Variants in SLC35D1 observed in about 807,000 individuals in gnomAD.
The protein encoded by SLC35D1 is nucleotide sugar transporter SLC35D1.
In SLC35D1, 31 loss-of-function variants were observed where a neutral mutation model predicts 46.7. That is an observed-to-expected ratio of 0.66 (90% CI 0.50 to 0.90). The LOEUF is 0.90. Among genes scored for constraint, SLC35D1 ranks in the 40% least tolerant of loss-of-function variants. The pLI is 0.00. For missense variants in SLC35D1, 397 were observed against 426.2 expected, an observed-to-expected ratio of 0.93 and a Z score of 0.60; for synonymous variants, 195 against 164.6, an observed-to-expected ratio of 1.18 and a Z score of -1.41.
intron 10 of SLC35D1, among the ~76,000 whole-genome samples, chr1:67,015,950 T>C (rs1363468470): frequency 6.6e-6 from 1 of 152,120 alleles, no homozygotes; most frequent in Non-Finnish European, 1.5e-5. Context: ...TTATCTGACA[T>C]ATTTCCCCAA....
intron 10 of SLC35D1, among the ~76,000 whole-genome samples, chr1:67,015,889 C>G (rs962397544): frequency 6.6e-6 from 1 of 152,070 alleles, no homozygotes; most frequent in Non-Finnish European, 1.5e-5. Context: ...TAAATTATCA[C>G]GTTGACTAAT....
At chr1:67,042,395 TACC>T in intron 7 of SLC35D1, 67 bp from the exon 8 acceptor site, 3 of 1,284,778 alleles carry the variant, frequency 2.3e-6, no homozygotes, top group Non-Finnish European at 3.4e-6. Flanking sequence ...CTGTACAAAA[TACC>T]ACTCAAACTA....
chr1:66,991,443 A>C, the SLC35D1 span, among the ~76,000 whole-genome samples: 2 of 152,152 alleles, frequency 1.3e-5, no homozygotes, highest in Non-Finnish European at 2.9e-5. Context: ...GAATACTAGC[A>C]GTATCAGAGC....
chr1:66,985,071 C>T, the SLC35D1 span: 1 of 1,346,824 alleles, frequency 7.4e-7, no homozygotes, highest in Non-Finnish European at 9.5e-7. Flanking sequence ...GATTTTTTTA[C>T]TTTAAAGCTG....
chr1:66,997,517 A>ATATATATATATATAT (rs1319900394), downstream of SLC35D1, among the ~76,000 whole-genome samples: 3 of 24,162 alleles, frequency 1.2e-4, no homozygotes, highest in African/African-American at 1.0e-4. Context: ...AAAAAAAAAA[A>ATATATATATATATAT]AAATATATAT....
chr1:66,984,992 G>A, the SLC35D1 span: 9 of 1,437,254 alleles, frequency 6.3e-6, no homozygotes, highest in Non-Finnish European at 8.2e-6. Flanking sequence ...TGATTTCCTT[G>A]AAGCAGTTTG....
At chr1:67,014,673 T>G (rs1667643371) in intron 10 of SLC35D1, among the ~76,000 whole-genome samples, 2 of 143,280 alleles carry the variant, frequency 1.4e-5, no homozygotes, top group South Asian at 2.3e-4. Flanking sequence ...ATTTTTAGTT[T>G]TTTTTTTTTT....
rs66809311 is a variant in SLC35D1 at position 67,021,691 on chromosome 1, TCCAACA to T, written c.730-95_730-90del. On this transcript the variant is annotated intron_variant, in intron 8 of 11. Coordinates refer to ENST00000235345, the MANE Select transcript of SLC35D1 (RefSeq NM_015139.3). ...ATGTAAATCCTTCTACGAGTCTGCC[TCCAACA>T]CAGACACAGACACAGACACAGACAC... is the stretch of plus-strand genomic sequence containing the variant. 0.24 allele frequency: 164,091 copies of T among 684,686 alleles called. 26,927 individuals are homozygous for T. The highest frequency in any genetic ancestry group is 0.4 in the Admixed American group (15,556 of 38,694). 42.4% of individuals were successfully genotyped at this position (684,686 alleles called of 1,614,324 possible).
intron 7 of SLC35D1, 130 bp downstream of exon 7, chr1:67,047,135 T>G: frequency 1.4e-6 from 1 of 703,422 alleles, no homozygotes; most frequent in Non-Finnish European, 2.5e-6. Context: ...AGTACAGGAA[T>G]TTTACCCTCA....
chr1:67,017,214 A>G (rs1013290815), intron 10 of SLC35D1, among the ~76,000 whole-genome samples: 1 of 152,152 alleles, frequency 6.6e-6, no homozygotes, highest in Admixed American at 6.5e-5. Context: ...ACTAAAATTT[A>G]TTTTACAAAT....
chr1:66,996,457 G>A (rs542754718), downstream of SLC35D1, among the ~76,000 whole-genome samples: 3 of 152,372 alleles, frequency 2.0e-5, no homozygotes, highest in East Asian at 5.8e-4. Context: ...CGAAGAGCAA[G>A]GGTGTTTGAA....
rs1021045851 is a variant in SLC35D1 at position 67,001,073 on chromosome 1, T to C, written c.*3267A>G. ...ACTCCTTGAAAGCAAGAACCATGTCTTGTTTATCTTTTTTCCAGAGCTTAG... is the reference window on the plus strand; with the variant it reads ...ACTCCTTGAAAGCAAGAACCATGTCCTGTTTATCTTTTTTCCAGAGCTTAG... On this transcript the variant is annotated 3_prime_UTR_variant, in exon 12 of 12. Transcript: ENST00000235345. The C allele has an allele frequency of 3.9e-5, 6 of 152,248 alleles. No homozygotes were observed. Among genetic ancestry groups the C allele is most frequent in the African/African-American group, 1.4e-4 (6 of 41,408 alleles). 9.4% of individuals were successfully genotyped at this position (152,248 alleles called of 1,614,324 possible).
At chr1:67,049,512 A>G (rs1645285987) in intron 6 of SLC35D1, among the ~76,000 whole-genome samples, 1 of 152,232 alleles carries the variant, frequency 6.6e-6, no homozygotes, top group African/African-American at 2.4e-5. Flanking sequence ...TGCCAAACAT[A>G]TTGTGTGGCA....
chr1:67,053,174 A>T (rs1645329323), intron 1 of SLC35D1, among the ~76,000 whole-genome samples, 185 bp from the exon 2 acceptor site: 1 of 152,088 alleles, frequency 6.6e-6, no homozygotes, highest in South Asian at 2.1e-4. Context: ...CACCCCGCTG[A>T]TGTAGCCTCG....
the SLC35D1 span, among the ~76,000 whole-genome samples, chr1:66,991,206 CTT>C: frequency 6.6e-6 from 1 of 152,260 alleles, no homozygotes; most frequent in Admixed American, 6.5e-5. Flanking sequence ...TTTTTGAAAA[CTT>C]TTCTTTCTTC....
chr1:67,034,961 T>C (rs960308485), intron 8 of SLC35D1, among the ~76,000 whole-genome samples: 4 of 152,208 alleles, frequency 2.6e-5, no homozygotes, highest in African/African-American at 9.6e-5. Flanking sequence ...TGATATGATG[T>C]ATTACATTAA....
At chr1:67,008,204 T>C (rs1463031345) in intron 11 of SLC35D1, among the ~76,000 whole-genome samples, 1 of 152,130 alleles carries the variant, frequency 6.6e-6, no homozygotes, top group Non-Finnish European at 1.5e-5. Flanking sequence ...AGCGGCGCAA[T>C]CTCGGATCAC....
chr1:67,050,080 T>C (rs1645291933), intron 5 of SLC35D1, among the ~76,000 whole-genome samples: 1 of 152,242 alleles, frequency 6.6e-6, no homozygotes, highest in Non-Finnish European at 1.5e-5. Context: ...ATTAGTGAGT[T>C]TGAATTTTTG....
chr1:67,013,035 A>G (rs543544395), intron 10 of SLC35D1, among the ~76,000 whole-genome samples: 1 of 151,806 alleles, frequency 6.6e-6, no homozygotes, highest in East Asian at 1.9e-4. Flanking sequence ...CCCCCCAGCT[A>G]AAATCTGACA....
Sources: allele counts gnomAD v4.1 joint callset (sites outside exome capture counted in the v4.1 genomes callset), GRCh38; gene constraint gnomAD v4.1.1; transcripts MANE v1.5; gene names NCBI Gene and HGNC (gene_info 2026-07-23, HGNC 2026-07-21).